The following NUP160 variants were observed in gnomAD, a reference collection of about 807,000 sequenced individuals.
NUP160 encodes nuclear pore complex protein Nup160.
NUP160 carries 94 observed loss-of-function variants against 196.9 expected under a neutral mutation model. The observed-to-expected ratio is 0.48, with a 90% CI of 0.40 to 0.57. The LOEUF (loss-of-function observed/expected upper bound fraction) is 0.57. Among genes scored for constraint, NUP160 ranks in the 20% least tolerant of loss-of-function variants. The pLI is 0.00. For synonymous variants in NUP160, 605 were observed against 619.7 expected (o/e 0.98, Z 0.35); for missense variants, 1,638 against 1,748.3 (o/e 0.94, Z 1.13).
chr11:47,800,692 G>A (rs1599315933), intron 23 of NUP160, among the ~76,000 whole-genome samples: 1 of 152,054 alleles, frequency 6.6e-6, no homozygotes, highest in East Asian at 1.9e-4. Context: ...GTCCGGCCAA[G>A]GGTTATTAAG....
At chr11:47,835,463 C>G (rs1006921377) in intron 7 of NUP160, among the ~76,000 whole-genome samples, 188 bp downstream of exon 7, 1 of 151,388 alleles carries the variant, frequency 6.6e-6, no homozygotes, top group African/African-American at 2.4e-5. Context: ...TTTAAACTCT[C>G]TACTTCCTTT....
chr11:47,798,005 C>T, exon 26 of NUP160: 1 of 1,579,964 alleles, frequency 6.3e-7, no homozygotes, highest in Non-Finnish European at 8.6e-7. Flanking sequence ...CATAGGGAAA[C>T]TCTACAAGAT....
intron 17 of NUP160, among the ~76,000 whole-genome samples, chr11:47,811,635 A>G (rs546224878): frequency 2.6e-5 from 4 of 152,298 alleles, no homozygotes; most frequent in African/African-American, 9.6e-5. Context: ...CTACACATAC[A>G]AAGGTTAAGA....
At chr11:47,821,388 T>C (rs566517244) in intron 9 of NUP160, 124 of 171,218 alleles carry the variant, frequency 7.2e-4, no homozygotes, top group Admixed American at 4.9e-3. Context: ...GATAGAGTCT[T>C]ACTCTGTTGC....
chr11:47,790,159 G>A (rs185055988), intron 29 of NUP160, among the ~76,000 whole-genome samples: 1 of 151,988 alleles, frequency 6.6e-6, no homozygotes, highest in Non-Finnish European at 1.5e-5. Flanking sequence ...TGGTCAGGCT[G>A]GTCTCAAAAC....
chr11:47,833,346 T>C (rs1852110826), intron 7 of NUP160, among the ~76,000 whole-genome samples: 1 of 151,616 alleles, frequency 6.6e-6, no homozygotes, highest in Admixed American at 6.6e-5. Context: ...TCCCAGCCAC[T>C]GTGGAGGCTG....
chr11:47,795,599 T>C (rs2097670430), intron 27 of NUP160, among the ~76,000 whole-genome samples: 1 of 152,196 alleles, frequency 6.6e-6, no homozygotes, highest in Non-Finnish European at 1.5e-5. Flanking sequence ...GATTATATTG[T>C]AAAATATAAT....
chr11:47,783,779 G>A (rs1363954679), intron 33 of NUP160, among the ~76,000 whole-genome samples: 1 of 151,846 alleles, frequency 6.6e-6, no homozygotes, highest in African/African-American at 2.4e-5. Context: ...AGGCTTGGGG[G>A]CAGTGGTGCA....
intron 19 of NUP160, among the ~76,000 whole-genome samples, chr11:47,806,846 C>CATATAT (rs1247461814): frequency 1.3e-4 from 14 of 107,180 alleles, no homozygotes; most frequent in African/African-American, 4.4e-4. Context: ...CACACACACA[C>CATATAT]ACACACATAT....
At chr11:47,786,114 T>TG (rs2135343808) in intron 32 of NUP160, among the ~76,000 whole-genome samples, 1 of 152,124 alleles carries the variant, frequency 6.6e-6, no homozygotes, top group African/African-American at 2.4e-5. Flanking sequence ...AACCATGCAG[T>TG]GACTGCTCAG....
chr11:47,847,808 C>A (rs750643904), intron 2 of NUP160, 40 bp downstream of exon 2: 1 of 1,432,872 alleles, frequency 7.0e-7, no homozygotes, highest in Admixed American at 1.7e-5. Context: ...ATACACCAAA[C>A]CCTACCTTCC....
chr11:47,807,929 T>C (rs1164465432), intron 18 of NUP160, among the ~76,000 whole-genome samples: 1 of 152,184 alleles, frequency 6.6e-6, no homozygotes, highest in Non-Finnish European at 1.5e-5. Context: ...CTGTAACAAA[T>C]AAAGGCACCA....
intron 13 of NUP160, 79 bp downstream of exon 13, chr11:47,815,400 T>C (rs942505267): frequency 1.7e-6 from 2 of 1,178,254 alleles, no homozygotes; most frequent in East Asian, 2.7e-5. Flanking sequence ...CACTGAACTT[T>C]TTGTTTTCTG....
At chr11:47,798,932 C>G (rs1254690196) in intron 23 of NUP160, among the ~76,000 whole-genome samples, 2 of 141,738 alleles carry the variant, frequency 1.4e-5, no homozygotes, top group East Asian at 4.1e-4. Flanking sequence ...GAGACCCCAT[C>G]TCTATTATTA....
At chr11:47,827,979 G>A (rs1345617302) in intron 7 of NUP160, among the ~76,000 whole-genome samples, 1 of 152,118 alleles carries the variant, frequency 6.6e-6, no homozygotes, top group East Asian at 1.9e-4. Context: ...AAGTGATCCT[G>A]CCATCTCAGC....
chr11:47,841,489 G>T, intron 2 of NUP160: 1 of 403,848 alleles, frequency 2.5e-6, no homozygotes, highest in Non-Finnish European at 4.9e-6. Context: ...GTACAATGAA[G>T]CTCTAGATTG....
At chr11:47,782,187 GGCA>G (rs1291470468) in intron 34 of NUP160, among the ~76,000 whole-genome samples, 301 of 151,028 alleles carry the variant, frequency 2.0e-3, no homozygotes, top group Non-Finnish European at 3.5e-3. Context: ...AGGAGGCTGA[GGCA>G]GGAGAATCAC....
chr11:47,836,768 G>A (rs1490491019), intron 6 of NUP160, 119 bp downstream of exon 6: 1 of 613,792 alleles, frequency 1.6e-6, no homozygotes. Context: ...ATCTGGCAGT[G>A]ACCAATAAGT....
intron 13 of NUP160, among the ~76,000 whole-genome samples, chr11:47,814,242 G>C (rs2097682940): frequency 6.6e-6 from 1 of 151,980 alleles, no homozygotes; most frequent in Non-Finnish European, 1.5e-5. Flanking sequence ...ACAGTTTGAG[G>C]TTAAGCTAAA....
Sources: allele counts gnomAD v4.1 joint callset (sites outside exome capture counted in the v4.1 genomes callset), GRCh38; gene constraint gnomAD v4.1.1; transcripts MANE v1.5; gene names NCBI Gene and HGNC (gene_info 2026-07-23, HGNC 2026-07-21).